Variants in CNTNAP5 observed in about 807,000 individuals in gnomAD.
The protein encoded by CNTNAP5 is contactin-associated protein-like 5.
In CNTNAP5, 72 loss-of-function variants were observed where a neutral mutation model predicts 150.2. The ratio of observed to expected loss-of-function variants is 0.48; its 90% CI spans 0.40 to 0.58. CNTNAP5 has a LOEUF of 0.58. Ranked by LOEUF, CNTNAP5 falls within the 20% of genes least tolerant of loss-of-function variation. The probability of loss-of-function intolerance (pLI) is 0.00; values close to 1 mark genes in which losing one functional copy is unlikely to be tolerated. For synonymous variants in CNTNAP5, 672 were observed against 619.8 expected (o/e 1.08, Z -1.25); for missense variants, 1,636 against 1,626.2 (o/e 1.01, Z -0.10).
chr2:124,430,328 G>A (rs1692346486), intron 4 of CNTNAP5, among the ~76,000 whole-genome samples: 2 of 152,134 alleles, frequency 1.3e-5, no homozygotes, highest in South Asian at 4.1e-4. Flanking sequence ...TATTTGTAAA[G>A]GGGGAATAAT....
At position 124,903,004 on chromosome 2, in the gene CNTNAP5, G is replaced by A. The variant is rs114400050; in HGVS notation, c.3559G>A (p.Ala1187Thr). ...LKAALRHATVAPVTVHGTLTE... is the reference protein window; with the variant it reads ...LKAALRHATVTPVTVHGTLTE... ...GGCTGCCCTGCGCCATGCCACTGTC[G>A]CGCCTGTGACTGTCCATGGGACCTT... is the stretch of plus-strand genomic sequence containing the variant. Residue 1187 changes from alanine (A) to threonine (T), a missense_variant, in exon 22 of 24, where the codon GCG becomes ACG. Physicochemically the swap from Ala to Thr is moderately conservative, Grantham distance 58. Coordinates refer to ENST00000682447, the MANE Select transcript of CNTNAP5 (RefSeq NM_001367498.1). The A allele has an allele frequency of 1.7e-3, 2,666 of 1,611,760 alleles. 36 individuals carry two copies. The African/African-American group carries it at 0.031, about 19-fold the overall frequency.
At chr2:124,510,427 G>A (rs1694550118) in intron 8 of CNTNAP5, among the ~76,000 whole-genome samples, 1 of 131,054 alleles carries the variant, frequency 7.6e-6, no homozygotes, top group Non-Finnish European at 1.6e-5. Flanking sequence ...CTAGGTGACA[G>A]AGCAAGACTC....
chr2:124,529,208 G>A (rs776598711), intron 10 of CNTNAP5, among the ~76,000 whole-genome samples: 9 of 152,066 alleles, frequency 5.9e-5, no homozygotes, highest in Non-Finnish European at 1.3e-4. Context: ...TAGTAATGGC[G>A]AGGGAGAAGC....
intron 3 of CNTNAP5, among the ~76,000 whole-genome samples, chr2:124,340,767 A>C (rs1423463490): frequency 6.7e-6 from 1 of 150,060 alleles, no homozygotes. Flanking sequence ...AAAAACAAAC[A>C]AACAACTATA....
chr2:124,274,984 G>T (rs1235644308), intron 3 of CNTNAP5, among the ~76,000 whole-genome samples: 4 of 152,152 alleles, frequency 2.6e-5, no homozygotes, highest in Non-Finnish European at 5.9e-5. Flanking sequence ...CCATATGGCT[G>T]GGGTGGCCTC....
chr2:124,331,175 A>C (rs1321188275), intron 3 of CNTNAP5, among the ~76,000 whole-genome samples: 2 of 152,154 alleles, frequency 1.3e-5, no homozygotes, highest in Admixed American at 6.6e-5. Flanking sequence ...GCTTCAGACA[A>C]AACATCAGAA....
intron 7 of CNTNAP5, among the ~76,000 whole-genome samples, chr2:124,482,778 C>A (rs1693789356): frequency 6.6e-6 from 1 of 152,284 alleles, no homozygotes; most frequent in Non-Finnish European, 1.5e-5. Context: ...GGCTGGCAGG[C>A]TCTCCCTCTG....
chr2:124,036,419 G>A (rs1049784695), intron 1 of CNTNAP5, among the ~76,000 whole-genome samples: 5 of 151,958 alleles, frequency 3.3e-5, no homozygotes, highest in Admixed American at 6.6e-5. Flanking sequence ...GATACTGCTC[G>A]CCCCTGTTAC....
chr2:124,501,865 A>G (rs929243163), intron 7 of CNTNAP5, among the ~76,000 whole-genome samples: 20 of 152,084 alleles, frequency 1.3e-4, no homozygotes, highest in African/African-American at 3.9e-4. Context: ...ATCCACCCAC[A>G]TATTTTCTCT....
intron 8 of CNTNAP5, among the ~76,000 whole-genome samples, chr2:124,515,634 G>T (rs1377476434): frequency 1.3e-5 from 2 of 152,206 alleles, no homozygotes; most frequent in African/African-American, 2.4e-5. Flanking sequence ...GTTTAGGAAA[G>T]AATTTGCTGA....
chr2:124,169,872 C>T (rs1437092327), intron 1 of CNTNAP5, among the ~76,000 whole-genome samples: 2 of 152,188 alleles, frequency 1.3e-5, no homozygotes, highest in Non-Finnish European at 2.9e-5. Flanking sequence ...TTGATCTTAT[C>T]CTTCAGAGCC....
At chr2:124,279,576 G>A (rs567821696) in intron 3 of CNTNAP5, among the ~76,000 whole-genome samples, 2 of 152,062 alleles carry the variant, frequency 1.3e-5, no homozygotes, top group East Asian at 3.9e-4. Flanking sequence ...TTTTCTTATT[G>A]AAGACACAGA....
At chr2:124,472,836 A>G (rs896498017) in intron 6 of CNTNAP5, among the ~76,000 whole-genome samples, 7 of 152,000 alleles carry the variant, frequency 4.6e-5, no homozygotes, top group Non-Finnish European at 8.8e-5. Context: ...CAAAGTGAGC[A>G]CCCACTGTTG....
chr2:124,453,381 T>C (rs1693037348), intron 6 of CNTNAP5, among the ~76,000 whole-genome samples: 1 of 152,166 alleles, frequency 6.6e-6, no homozygotes, highest in African/African-American at 2.4e-5. Flanking sequence ...ATGTCTGGGA[T>C]TATGTTAAAC....
At chr2:124,580,165 T>A (rs1376689331) in intron 11 of CNTNAP5, among the ~76,000 whole-genome samples, 1 of 152,220 alleles carries the variant, frequency 6.6e-6, no homozygotes, top group Non-Finnish European at 1.5e-5. Flanking sequence ...ACATTGACAA[T>A]GGTGACAATG....
intron 3 of CNTNAP5, among the ~76,000 whole-genome samples, chr2:124,389,757 G>A (rs905369607): frequency 2.0e-5 from 3 of 152,116 alleles, no homozygotes; most frequent in African/African-American, 7.2e-5. Flanking sequence ...CTTTAGGCTA[G>A]AAGATTGAGA....
At chr2:124,827,420 C>A (rs1393987805) in intron 19 of CNTNAP5, among the ~76,000 whole-genome samples, 2 of 152,128 alleles carry the variant, frequency 1.3e-5, no homozygotes, top group Non-Finnish European at 2.9e-5. Context: ...TCAGTGCACT[C>A]CAGTGTCTCT....
intron 3 of CNTNAP5, among the ~76,000 whole-genome samples, chr2:124,376,337 T>C (rs919951398): frequency 6.6e-6 from 1 of 152,084 alleles, no homozygotes; most frequent in Non-Finnish European, 1.5e-5. Context: ...GGAGCAAGCA[T>C]AGACATTACT....
intron 22 of CNTNAP5, among the ~76,000 whole-genome samples, chr2:124,909,630 TCTCC>T (rs1678611514): frequency 6.6e-6 from 1 of 151,164 alleles, no homozygotes. Context: ...TCTCTTCCTG[TCTCC>T]CTCCCTCCCT....
Sources: allele counts gnomAD v4.1 joint callset (sites outside exome capture counted in the v4.1 genomes callset), GRCh38; gene constraint gnomAD v4.1.1; transcripts MANE v1.5; gene names NCBI Gene and HGNC (gene_info 2026-07-23, HGNC 2026-07-21).